Variants in PANK1 observed in about 807,000 individuals in gnomAD.
The protein encoded by PANK1 is pantothenic acid kinase 1.
Under a neutral mutation model 40.1 loss-of-function variants are expected in PANK1, and 18 were observed. The observed-to-expected ratio is 0.45, with a 90% CI of 0.31 to 0.67. The LOEUF (loss-of-function observed/expected upper bound fraction) is 0.67, where lower values mean the gene tolerates loss of function less well. PANK1 is among the 30% of genes least tolerant of loss of function. The probability of loss-of-function intolerance (pLI) is 0.06; values close to 1 mark genes in which losing one functional copy is unlikely to be tolerated. For missense variants in PANK1, 457 were observed against 599.6 expected, an observed-to-expected ratio of 0.76 and a Z score of 2.48; for synonymous variants, 242 against 237.7, an observed-to-expected ratio of 1.02 and a Z score of -0.17.
At chr10:89,593,355 C>G (rs564805604) in intron 4 of PANK1, 35 bp from the exon 5 acceptor site, 1 of 1,605,320 alleles carries the variant, frequency 6.2e-7, no homozygotes, top group Non-Finnish European at 8.5e-7. Context: ...TGTTCAAAAT[C>G]GTCCTCAGGC....
intron 2 of PANK1, among the ~76,000 whole-genome samples, chr10:89,600,230 A>G (rs728056): frequency 0.61 from 93,367 of 152,094 alleles, 29,199 homozygotes; most frequent in East Asian, 0.93. Context: ...AGAGGTGCTT[A>G]CACAGGGTGA....
intron 2 of PANK1, among the ~76,000 whole-genome samples, chr10:89,608,093 G>A (rs11185785): frequency 0.32 from 47,070 of 147,306 alleles, 7,576 homozygotes; most frequent in Non-Finnish European, 0.35. Flanking sequence ...GTGCAGTGTT[G>A]CCATCTCAGC....
intron 1 of PANK1, among the ~76,000 whole-genome samples, chr10:89,636,645 G>A (rs1418104298): frequency 1.3e-5 from 2 of 151,628 alleles, no homozygotes; most frequent in Admixed American, 6.6e-5. Context: ...TAGAGACGGT[G>A]TTTCACAGTG....
chr10:89,608,543 A>G lies in PANK1; in HGVS notation c.645+3153T>C, dbSNP rs561958827. ...TGAAGAATAGTTACATTATCTAAGG[A>G]TTCAAGTACATATACTATATATTTT... is the stretch of plus-strand genomic sequence containing the variant. On this transcript the variant is annotated intron_variant, in intron 2 of 6. Transcript: ENST00000307534. Among the ~76,000 whole-genome samples, 12 of 152,336 alleles carry G rather than the reference A, an allele frequency of 7.9e-5. No individual in the cohort carries two copies. The South Asian group carries it at 1.9e-3, about 24-fold the overall frequency.
rs1841532540 is a variant in PANK1 at position 89,628,314 on chromosome 10, GATA to G, written c.293-16269_293-16267del. The stretch of plus-strand genomic sequence containing the variant: ...ACTGATGAACATGGATAAATAATGT[GATA>G]AATCCACCCAATAAAATATTATCTG... On this transcript the variant is annotated intron_variant, in intron 1 of 6. Coordinates refer to ENST00000307534, the MANE Select transcript of PANK1 (RefSeq NM_148977.3). 2.6e-5 allele frequency among the ~76,000 whole-genome samples: 4 copies of G among 152,248 alleles called. No homozygotes were observed. In the South Asian group the frequency reaches 8.3e-4, roughly 32 times the overall value.
chr10:89,632,109 A>AT (rs2013431352), intron 1 of PANK1, among the ~76,000 whole-genome samples: 1 of 152,170 alleles, frequency 6.6e-6, no homozygotes, highest in South Asian at 2.1e-4. Flanking sequence ...AAGCTGAGTG[A>AT]TAAGTACTTG....
chr10:89,582,946 C>T (rs556421893), downstream of PANK1: 1 of 152,266 alleles, frequency 6.6e-6, no homozygotes, highest in East Asian at 1.9e-4. Flanking sequence ...ATACTATAAA[C>T]ATGAGAATTA....
intron 5 of PANK1, chr10:89,592,790 C>T (rs773518713): frequency 1.9e-6 from 1 of 535,902 alleles, no homozygotes; most frequent in East Asian, 5.4e-5. Context: ...GAACTCCATG[C>T]CACAAGGCAA....
rs1844211623 is a variant in PANK1 at position 89,586,887 on chromosome 10, G to A, written c.1326+1765C>T. ...CACGCCTGTAATCCCAGCACTTTAGGAGGCTGAGGCGGGTGGATTACCTGA... is the reference window on the plus strand; with the variant it reads ...CACGCCTGTAATCCCAGCACTTTAGAAGGCTGAGGCGGGTGGATTACCTGA... On this transcript the variant is annotated intron_variant, in intron 6 of 6. Coordinates refer to ENST00000307534, the MANE Select transcript of PANK1 (RefSeq NM_148977.3). 2.0e-5 allele frequency among the ~76,000 whole-genome samples: 3 copies of A among 152,186 alleles called. No individual in the cohort carries two copies. In the South Asian group the frequency reaches 6.2e-4, roughly 31 times the overall value.
chr10:89,622,722 A>G (rs1217376091), intron 1 of PANK1, among the ~76,000 whole-genome samples: 4 of 152,030 alleles, frequency 2.6e-5, no homozygotes, highest in African/African-American at 4.8e-5. Context: ...CTGTAATCCC[A>G]GCTACTCAGG....
At position 89,645,188 on chromosome 10, in the gene PANK1, T is replaced by C. The variant is rs759155595; in HGVS notation, c.-297A>G. The C allele has an allele frequency of 4.4e-6, 7 of 1,581,138 alleles. No homozygotes were observed. In the East Asian group the frequency reaches 1.2e-4, roughly 28 times the overall value. ...CAGCCGGGGCTCCCGCCGCCCGCCT[T>C]CCCCTGATCCCCAGGCCGCGCGACT... On this transcript the variant is annotated 5_prime_UTR_variant, in exon 1 of 7. Transcript: ENST00000307534.
chr10:89,621,840 A>C (rs775149987), intron 1 of PANK1, among the ~76,000 whole-genome samples: 1 of 152,214 alleles, frequency 6.6e-6, no homozygotes, highest in African/African-American at 2.4e-5. Flanking sequence ...CAGCCTCCTG[A>C]GTAGCTGGGA....
intron 1 of PANK1, among the ~76,000 whole-genome samples, chr10:89,643,283 T>C (rs1326810166): frequency 6.6e-6 from 1 of 152,192 alleles, no homozygotes; most frequent in African/African-American, 2.4e-5. Flanking sequence ...GTCCTGACTT[T>C]TAAAATATTA....
intron 3 of PANK1, among the ~76,000 whole-genome samples, chr10:89,597,458 G>A (rs1248455814): frequency 1.3e-5 from 2 of 152,138 alleles, no homozygotes; most frequent in African/African-American, 4.8e-5. Context: ...TTATAGGGAA[G>A]CTTGAACATC....
intron 1 of PANK1, 56 bp downstream of exon 1, chr10:89,644,544 G>A: frequency 6.7e-6 from 10 of 1,494,968 alleles, no homozygotes; most frequent in Non-Finnish European, 9.0e-6. Context: ...TCCCAGTCCC[G>A]GGCCCCGCAC....
chr10:89,590,983 C>T (rs948038649), intron 5 of PANK1, among the ~76,000 whole-genome samples: 5 of 151,896 alleles, frequency 3.3e-5, no homozygotes, highest in African/African-American at 1.2e-4. Context: ...GCAGAATCTG[C>T]ACTGATGGAT....
At chr10:89,623,685 A>C (rs1392455081) in intron 1 of PANK1, among the ~76,000 whole-genome samples, 1 of 152,196 alleles carries the variant, frequency 6.6e-6, no homozygotes, top group African/African-American at 2.4e-5. Context: ...ATAGAAAATA[A>C]TATGCTTTCA....
chr10:89,606,665 A>G (rs1159469036), intron 2 of PANK1, among the ~76,000 whole-genome samples: 2 of 152,112 alleles, frequency 1.3e-5, no homozygotes, highest in Non-Finnish European at 2.9e-5. Flanking sequence ...CTGGGACTAT[A>G]GGGGTGCACC....
chr10:89,613,829 G>GT (rs1845235384), intron 1 of PANK1, among the ~76,000 whole-genome samples: 1 of 152,240 alleles, frequency 6.6e-6, no homozygotes, highest in Non-Finnish European at 1.5e-5. Flanking sequence ...GGGCCACAGT[G>GT]TAGGAGCAGC....
Sources: gnomAD v4.1 joint callset for allele counts (sites outside exome capture counted in the v4.1 genomes callset) on GRCh38, gnomAD v4.1.1 for gene constraint, MANE v1.5 for transcripts, NCBI Gene and HGNC (gene_info 2026-07-23, HGNC 2026-07-21) for gene names.